The following TPM4 variants were observed in gnomAD, a reference collection of about 807,000 sequenced individuals.
The protein encoded by TPM4 is tropomyosin alpha-4 chain.
TPM4 carries 17 observed loss-of-function variants against 35.8 expected under a neutral mutation model. The observed-to-expected ratio is 0.47, with a 90% CI of 0.32 to 0.71. TPM4 has a LOEUF of 0.71. Among genes scored for constraint, TPM4 ranks in the 30% least tolerant of loss-of-function variants. TPM4 has a pLI of 0.03. For missense variants in TPM4, 240 were observed against 320.9 expected, an observed-to-expected ratio of 0.75 and a Z score of 1.93; for synonymous variants, 120 against 122.9, an observed-to-expected ratio of 0.98 and a Z score of 0.15.
At chr19:16,075,923 A>G (rs528297264), upstream of TPM4, 85 of 1,373,088 alleles carry the variant, frequency 6.2e-5, no homozygotes, top group African/African-American at 8.3e-4. Context: ...TGTTCTACAG[A>G]TAAGGAAACT....
rs1205259763 is a variant in TPM4 at position 16,070,126 on chromosome 19, T to A, written c.114+2388T>A. Among the ~76,000 whole-genome samples, 1 of 152,050 alleles carries A rather than the reference T, an allele frequency of 6.6e-6. No individual in the cohort carries two copies. The highest frequency in any genetic ancestry group is 2.4e-5 in the African/African-American group (1 of 41,364). ...ATTGTGTATGTGGGGGTGTCCCTGC[T>A]AAAAGCCTGGAGGCCGGGGCAGGTG... is the stretch of plus-strand genomic sequence containing the variant. On this transcript the variant is annotated intron_variant, in intron 2 of 2. Coordinates refer to the TPM4 transcript ENST00000589897. This position sits in a 1 kb window ranked among gnomAD's most constrained non-coding sequence, Gnocchi z 7.4.
At chr19:16,073,966 A>AAACACACAC (rs2090379958), upstream of TPM4, among the ~76,000 whole-genome samples, 1 of 140,808 alleles carries the variant, frequency 7.1e-6, no homozygotes, top group African/African-American at 2.6e-5. Context: ...AAAAACGCAA[A>AAACACACAC]AAAAAAAAAT....
chr19:16,093,891 A>G (rs954627150), intron 7 of TPM4, 138 bp downstream of exon 7: 5 of 810,082 alleles, frequency 6.2e-6, no homozygotes, highest in African/African-American at 1.7e-5. Flanking sequence ...TAGTGATGTC[A>G]TATCTGGATG....
At chr19:16,072,636 G>A (rs527908640), upstream of TPM4, among the ~76,000 whole-genome samples, 90 of 152,302 alleles carry the variant, frequency 5.9e-4, no homozygotes, top group African/African-American at 2.1e-3. Context: ...ACACGCCCTG[G>A]CCAGGCATAG....
chr19:16,093,282 A>C (rs1599381379), intron 5 of TPM4: 1 of 463,386 alleles, frequency 2.2e-6, no homozygotes, highest in East Asian at 4.0e-5. Flanking sequence ...TGCAACCTCC[A>C]CCTCCCAGGT....
intron 5 of TPM4, among the ~76,000 whole-genome samples, chr19:16,092,494 C>A (rs73517714): frequency 0.038 from 5,714 of 151,688 alleles, 176 homozygotes; most frequent in African/African-American, 0.084. Context: ...ACACATATTT[C>A]TTCTGCTGGG....
chr19:16,097,102 G>C (rs559830676), intron 7 of TPM4, among the ~76,000 whole-genome samples: 1 of 145,172 alleles, frequency 6.9e-6, no homozygotes, highest in Non-Finnish European at 1.5e-5. Context: ...TACAGTCGCG[G>C]ACCACCACAC....
rs2090552987 is a variant in TPM4, at chr19:16,086,446, G to A, written c.290G>A (p.Arg97Gln). 6.2e-7 allele frequency: 1 copy of A among 1,613,424 alleles called. No homozygotes were observed. ...AGAGGAATGAAGGTGATAGAAAACC[G>A]GGCCATGAAGGATGAGGAGAAGATG... ...SERGMKVIEN[R>Q]AMKDEEKMEI... Residue 97 changes from arginine to glutamine, a missense_variant, in exon 3 of 8, where the codon CGG (arginine) becomes CAG (glutamine). By Grantham distance (43) the Arg-to-Gln change is conservative. Coordinates refer to ENST00000643579, the MANE Select transcript of TPM4 (RefSeq NM_003290.3).
rs767383251 is a variant in TPM4, at chr19:16,093,729, G to A, written c.640G>A (p.Glu214Lys). 6.2e-7 allele frequency: 1 copy of A among 1,613,748 alleles called. No individual in the cohort carries two copies. The highest frequency in any genetic ancestry group is 1.3e-5 in the African/African-American group (1 of 74,896). ...TGCAGAGAGAACGGTTGCAAAACTG[G>A]AAAAGACAATTGATGACCTGGAAGG... is the stretch of plus-strand genomic sequence containing the variant. The part of the protein sequence containing the change: ...EFAERTVAKL[E>K]KTIDDLEEKL... Residue 214 changes from glutamate to lysine, a missense_variant, in exon 7 of 8, where the codon GAA (glutamate) becomes AAA (lysine). Transcript: ENST00000643579.
At chr19:16,079,234 C>A (rs1379027460) in intron 1 of TPM4, among the ~76,000 whole-genome samples, 1 of 152,204 alleles carries the variant, frequency 6.6e-6, no homozygotes, top group Non-Finnish European at 1.5e-5. Context: ...ACTCATGAAT[C>A]AAGCACCTCT....
intron 1 of TPM4, chr19:16,080,247 A>T (rs916881539): frequency 5.4e-5 from 11 of 204,284 alleles, no homozygotes; most frequent in African/African-American, 2.1e-4. Context: ...TTTCTTACCA[A>T]TTCTGAGTCA....
At chr19:16,072,644 T>C (rs1324932013), upstream of TPM4, among the ~76,000 whole-genome samples, 2 of 152,124 alleles carry the variant, frequency 1.3e-5, no homozygotes, top group Admixed American at 1.3e-4. Context: ...TGGCCAGGCA[T>C]AGTGGCTCAC....
chr19:16,083,658 G>T (rs11668485), intron 2 of TPM4, among the ~76,000 whole-genome samples: 1 of 143,970 alleles, frequency 6.9e-6, no homozygotes, highest in Admixed American at 6.7e-5. Context: ...GTGTGGGCCC[G>T]ACCAGTGATC....
intron 5 of TPM4, among the ~76,000 whole-genome samples, chr19:16,090,726 A>G (rs1368496129): frequency 6.6e-6 from 1 of 151,698 alleles, no homozygotes; most frequent in Non-Finnish European, 1.5e-5. Flanking sequence ...TCCTTGCTAG[A>G]TTGTAAGTTG....
intron 5 of TPM4, among the ~76,000 whole-genome samples, chr19:16,091,142 T>A (rs1332008348): frequency 6.6e-6 from 1 of 152,154 alleles, no homozygotes; most frequent in Non-Finnish European, 1.5e-5. Flanking sequence ...AACCTCCACC[T>A]CCTAGGCTCA....
At position 16,078,616 on chromosome 19, in the gene TPM4, G is replaced by A. The variant is rs370544183; in HGVS notation, c.132+1919G>A. Reference sequence around the variant, plus strand: ...CTCTGATCTCATCCCAAGTCATCTCGCTGGAGGACAATTAACTCGGCTTCA... The same window carrying A: ...CTCTGATCTCATCCCAAGTCATCTCACTGGAGGACAATTAACTCGGCTTCA... On this transcript the variant is annotated intron_variant, in intron 1 of 7. Coordinates refer to ENST00000643579, the MANE Select transcript of TPM4 (RefSeq NM_003290.3). 3.3e-3 allele frequency among the ~76,000 whole-genome samples: 509 copies of A among 152,272 alleles called. 2 individuals carry two copies. Among genetic ancestry groups the A allele is most frequent in the African/African-American group, 0.011 (465 of 41,560 alleles).
At chr19:16,094,975 G>C (rs1328666198) in intron 7 of TPM4, among the ~76,000 whole-genome samples, 1 of 152,134 alleles carries the variant, frequency 6.6e-6, no homozygotes, top group African/African-American at 2.4e-5. Flanking sequence ...AATAAACTGA[G>C]GGGTGGGGAC....
rs570057048 is a variant in TPM4 at position 16,095,649 on chromosome 19, T to C, written c.664+1896T>C. 37 of 970,970 alleles carry C rather than the reference T, an allele frequency of 3.8e-5. No individual in the cohort carries two copies. The Admixed American group carries it at 1.8e-3, about 47-fold the overall frequency. The allele number at this position is 970,970 out of a possible 1,614,324, so 60.1% of individuals were successfully genotyped here. A position where few individuals can be genotyped will look rare whatever the true frequency, so the allele number is the denominator to read the frequency against. ...AAAGCTTATTACAAAAAGAAAATTA[T>C]GCCTACAGGATGCTTTTCTGAAGAC... On this transcript the variant is annotated intron_variant, in intron 7 of 7. Transcript: ENST00000643579.
chr19:16,101,194 C>CT (rs1006170367), intron 7 of TPM4, 70 bp from the exon 8 acceptor site: 1,189 of 1,255,076 alleles, frequency 9.5e-4, no homozygotes, highest in Non-Finnish European at 1.0e-3. Context: ...AAAAACAAAT[C>CT]TTTTTTTTTC....
Sources: gnomAD v4.1 joint callset for allele counts (sites outside exome capture counted in the v4.1 genomes callset) on GRCh38, gnomAD v4.1.1 for gene constraint, Gnocchi (gnomAD v3.1) non-coding constraint, MANE v1.5 for transcripts, NCBI Gene and HGNC (gene_info 2026-07-23, HGNC 2026-07-21) for gene names.